ITIH6: variants seen among roughly 807,000 people sequenced by gnomAD.
The protein encoded by ITIH6 is inter-alpha-trypsin inhibitor heavy chain H6.
In ITIH6, 60 loss-of-function variants were observed where a neutral mutation model predicts 58.2. That is an observed-to-expected ratio of 1.03 (90% CI 0.84 to 1.28). ITIH6 has a LOEUF of 1.28. Among genes scored for constraint, ITIH6 ranks in the 50% most tolerant of loss-of-function variants. The pLI, the probability that ITIH6 is intolerant of heterozygous loss-of-function variation, is 0.00. For missense variants in ITIH6, 1,290 were observed against 1,021.1 expected, an observed-to-expected ratio of 1.26 and a Z score of -3.59; for synonymous variants, 493 against 417.4, an observed-to-expected ratio of 1.18 and a Z score of -2.21.
chrX:54,761,478 T>C (rs1167919848), intron 6 of ITIH6, among the ~76,000 whole-genome samples: 3 of 111,273 alleles, frequency 2.7e-5, no homozygotes, highest in Admixed American at 9.6e-5. Context: ...TTTGCTGCCA[T>C]TGCTTTTGAT....
At chrX:54,790,602 A>C (rs1398743202) in intron 4 of ITIH6, among the ~76,000 whole-genome samples, 1 of 111,282 alleles carries the variant, frequency 9.0e-6, no homozygotes, top group Non-Finnish European at 1.9e-5. Flanking sequence ...TTTTAGGGAA[A>C]TCAAGAGTCT....
intron 11 of ITIH6, among the ~76,000 whole-genome samples, chrX:54,752,946 G>A (rs756339894): frequency 8.0e-5 from 9 of 112,465 alleles, no homozygotes; most frequent in African/African-American, 9.7e-5. Context: ...ACTAGTTGAC[G>A]TTCTGGAGGG....
intron 6 of ITIH6, among the ~76,000 whole-genome samples, chrX:54,768,760 ATGGGCTTCCCTTTGAGGGTAACCCGACC>A (rs1397835752): frequency 2.9e-5 from 3 of 102,293 alleles, no homozygotes; most frequent in Non-Finnish European, 3.9e-5. Context: ...TGTTAGTCTG[ATGGGCTTCCCTTTGAGGGTAACCCGACC>A]TTTCTCTCTG....
intron 6 of ITIH6, among the ~76,000 whole-genome samples, chrX:54,763,866 C>A (rs925968775): frequency 2.7e-5 from 3 of 112,162 alleles, no homozygotes; most frequent in African/African-American, 9.7e-5. Context: ...GTTGCATGCA[C>A]ATTAAGGATT....
chrX:54,749,069 T>C lies in ITIH6; in HGVS notation c.*826A>G, dbSNP rs1168018768. The C allele has an allele frequency of 8.9e-6, 1 of 112,150 alleles. No individual in the cohort carries two copies. The highest frequency in any genetic ancestry group is 1.9e-5 in the Non-Finnish European group (1 of 53,299). 9.2% of individuals were successfully genotyped at this position (112,150 alleles called of 1,213,427 possible). On this transcript the variant is annotated 3_prime_UTR_variant, in exon 13 of 13. Transcript: ENST00000218436. ...CCTCTATCCATCCATATCTGTGCCC[T>C]TGTCACTGTTTTTCCGGGTGTGATC... is the stretch of plus-strand genomic sequence containing the variant.
At chrX:54,785,609 C>A (rs1929228398) in intron 5 of ITIH6, among the ~76,000 whole-genome samples, 1 of 111,918 alleles carries the variant, frequency 8.9e-6, no homozygotes, top group Non-Finnish European at 1.9e-5. Context: ...ACATGGATGA[C>A]TTCTGCTGTC....
At position 54,749,764 on chromosome X, in the gene ITIH6, T is replaced by C; in HGVS notation, c.*131A>G. 4.1e-6 allele frequency: 2 copies of C among 492,289 alleles called. No homozygotes were observed. Among genetic ancestry groups the C allele is most frequent in the Non-Finnish European group, 6.9e-6 (2 of 289,267 alleles). 40.6% of individuals were successfully genotyped at this position (492,289 alleles called of 1,213,427 possible). On this transcript the variant is annotated 3_prime_UTR_variant, in exon 13 of 13. Coordinates refer to ENST00000218436, the MANE Select transcript of ITIH6 (RefSeq NM_198510.3). The stretch of plus-strand genomic sequence containing the variant: ...TGTATACCCTTGTATATGTGTTCCT[T>C]AGAACATGCGTGAGTCTGTGTGTCC...
chrX:54,776,193 A>AG (rs2147614182), intron 5 of ITIH6, among the ~76,000 whole-genome samples: 1 of 109,935 alleles, frequency 9.1e-6, no homozygotes, highest in African/African-American at 3.3e-5. Flanking sequence ...AAAAAAAAAA[A>AG]CTGAACCAAA....
At chrX:54,750,852 G>C in intron 12 of ITIH6, 151 bp downstream of exon 12, 2 of 566,128 alleles carry the variant, frequency 3.5e-6, no homozygotes, top group Non-Finnish European at 5.4e-6. Flanking sequence ...TCCATATCTG[G>C]GTCTGTCCTC....
chrX:54,766,054 C>A (rs2080288542), intron 6 of ITIH6, among the ~76,000 whole-genome samples: 1 of 110,623 alleles, frequency 9.0e-6, no homozygotes, highest in African/African-American at 3.3e-5. Flanking sequence ...TGTTTGTATC[C>A]TCTTTTATAT....
At chrX:54,752,011 G>A (rs1439219851) in intron 11 of ITIH6, among the ~76,000 whole-genome samples, 1 of 111,611 alleles carries the variant, frequency 9.0e-6, no homozygotes, top group African/African-American at 3.3e-5. Context: ...ATGCCCGAGT[G>A]TGTTGATGTC....
chrX:54,750,909 T>A (rs1189703067), intron 12 of ITIH6, 94 bp downstream of exon 12: 1 of 933,525 alleles, frequency 1.1e-6, no homozygotes, highest in African/African-American at 2.0e-5. Context: ...TGCTGATTCC[T>A]CTTCCTTGTT....
At chrX:54,752,243 A>C (rs959856594) in intron 11 of ITIH6, among the ~76,000 whole-genome samples, 3 of 112,036 alleles carry the variant, frequency 2.7e-5, no homozygotes, top group Non-Finnish European at 5.6e-5. Flanking sequence ...AACACGGATG[A>C]ACCAGATCTA....
chrX:54,754,874 G>A (rs2147600052), intron 9 of ITIH6, 143 bp downstream of exon 9: 1 of 461,072 alleles, frequency 2.2e-6, no homozygotes. Context: ...GTTGTTTTAA[G>A]CTACTAAATT....
At chrX:54,775,452 T>A (rs1206446453) in intron 5 of ITIH6, among the ~76,000 whole-genome samples, 3 of 109,917 alleles carry the variant, frequency 2.7e-5, no homozygotes, top group Non-Finnish European at 3.8e-5. Flanking sequence ...CACCCCACCC[T>A]TCTAGAGGGT....
chrX:54,789,897 C>G (rs1391339609), intron 4 of ITIH6, among the ~76,000 whole-genome samples: 1 of 110,545 alleles, frequency 9.0e-6, no homozygotes, highest in East Asian at 2.8e-4. Flanking sequence ...TAGATGGCAT[C>G]TCGTCCATTT....
chrX:54,774,122 T>C lies in ITIH6; in HGVS notation c.862A>G (p.Ile288Val), dbSNP rs765924688. 4 of 1,179,457 alleles carry C rather than the reference T, an allele frequency of 3.4e-6. No homozygotes were observed. The East Asian group carries it at 9.3e-5, about 27-fold the overall frequency. Residue 288 changes from isoleucine to valine, a missense_variant, in exon 6 of 13, where the codon ATT becomes GTT. Ile to Val is a conservative substitution (Grantham distance 29, BLOSUM62 3). Coordinates refer to ENST00000218436, the MANE Select transcript of ITIH6 (RefSeq NM_198510.3). ...CCAAACATGGAGCTGCTTACGTCAATAACAAAAACCACATTCTTCTCCATA... is the reference window on the plus strand; with the variant it reads ...CCAAACATGGAGCTGCTTACGTCAACAACAAAAACCACATTCTTCTCCATA... The part of the protein sequence containing the change: ...PPMEKNVVFV[I>V]DVSSSMFGTK...
Position 54,751,302 on chromosome X carries a change from A to T in ITIH6, c.3431T>A (p.Ile1144Asn), listed in dbSNP as rs1305467251. Residue 1144 changes from isoleucine (I) to asparagine (N), a missense_variant, in exon 12 of 13, where the codon ATC becomes AAC. Physicochemically the swap from Ile to Asn is moderately radical, Grantham distance 149. Transcript: ENST00000218436. ...HKDQTRTYFQ[I>N]ITVTTDKPRA... ...GGGTTTGTCTGTAGTGACTGTGATG[A>T]TCTGGAAGTAGGTGCGAGTCTGGTC... 8.3e-7 allele frequency: 1 copy of T among 1,211,562 alleles called. No homozygotes were observed. Among genetic ancestry groups the T allele is most frequent in the Admixed American group, 2.2e-5 (1 of 46,067 alleles).
At position 54,797,044 on chromosome X, in the gene ITIH6, T is replaced by C. The variant is rs1456290901; in HGVS notation, c.155A>G (p.His52Arg). 2 of 1,210,196 alleles carry C rather than the reference T, an allele frequency of 1.7e-6. No individual in the cohort carries two copies. Among genetic ancestry groups the C allele is most frequent in the East Asian group, 3.0e-5 (1 of 33,806 alleles). Residue 52 changes from histidine (H) to arginine (R), a missense_variant, in exon 2 of 13, where the codon CAC becomes CGC. Physicochemically the swap from His to Arg is conservative, Grantham distance 29. Coordinates refer to ENST00000218436, the MANE Select transcript of ITIH6 (RefSeq NM_198510.3). ...AAACAGGACAGAGGTGACCAAGGTG[T>C]GGGCATAGCGAGACACCACCGTGGA... ...MRSTVVSRYA[H>R]TLVTSVLFNP...
Sources: allele counts gnomAD v4.1 joint callset (sites outside exome capture counted in the v4.1 genomes callset), GRCh38; gene constraint gnomAD v4.1.1; transcripts MANE v1.5; gene names NCBI Gene and HGNC (gene_info 2026-07-23, HGNC 2026-07-21).